DCC: variants seen among roughly 807,000 people sequenced by gnomAD.
DCC encodes netrin receptor DCC.
DCC carries 58 observed loss-of-function variants against 172.5 expected under a neutral mutation model. The observed-to-expected ratio is 0.34, with a 90% CI of 0.27 to 0.42. DCC has a LOEUF of 0.42. Ranked by LOEUF, DCC falls within the 10% of genes least tolerant of loss-of-function variation. DCC has a pLI of 1.00. For synonymous variants in DCC, 709 were observed against 644.5 expected (o/e 1.10, Z -1.52); for missense variants, 1,740 against 1,791.0 (o/e 0.97, Z 0.51).
chr18:52,660,975 A>G (rs1413206119), intron 1 of DCC, among the ~76,000 whole-genome samples: 1 of 152,136 alleles, frequency 6.6e-6, no homozygotes, highest in African/African-American at 2.4e-5. Flanking sequence ...ATATAAGTTT[A>G]CTTCTATACC....
At chr18:52,644,597 T>A (rs1324151572) in intron 1 of DCC, among the ~76,000 whole-genome samples, 5 of 98,626 alleles carry the variant, frequency 5.1e-5, no homozygotes, top group Admixed American at 1.0e-4. Context: ...AAAAAAAAAA[T>A]TAGTGTGTAG....
intron 5 of DCC, among the ~76,000 whole-genome samples, chr18:53,007,797 G>A (rs2041667802): frequency 6.6e-6 from 1 of 152,066 alleles, no homozygotes; most frequent in African/African-American, 2.4e-5. Flanking sequence ...AGTGCTCAGT[G>A]TTATAAAATA....
intron 22 of DCC, among the ~76,000 whole-genome samples, chr18:53,441,631 C>T (rs1338901132): frequency 3.3e-5 from 5 of 152,118 alleles, no homozygotes; most frequent in Non-Finnish European, 7.4e-5. Flanking sequence ...CGGTGTTGTG[C>T]TCATTTACTT....
rs1005976018 is a variant in DCC at position 53,111,366 on chromosome 18, T to A, written c.1261+45200T>A. Among the ~76,000 whole-genome samples, 86 of 149,600 alleles carry A rather than the reference T, an allele frequency of 5.7e-4. 1 individual carries two copies. The highest frequency in any genetic ancestry group is 5.3e-3 in the Admixed American group (80 of 14,962). On this transcript the variant is annotated intron_variant, in intron 7 of 28. Coordinates refer to ENST00000442544, the MANE Select transcript of DCC (RefSeq NM_005215.4). ...TATACATATGTAACTAACCTGCACA[T>A]TGTGCACATGTACCCTAAAACTTAA...
intron 5 of DCC, among the ~76,000 whole-genome samples, chr18:52,964,748 C>T (rs1371011648): frequency 6.6e-6 from 1 of 152,092 alleles, no homozygotes; most frequent in Admixed American, 6.6e-5. Context: ...TGGCTGAAAA[C>T]AATGTAAATA....
chr18:52,506,254 A>G (rs927272695), intron 1 of DCC, among the ~76,000 whole-genome samples: 68 of 152,292 alleles, frequency 4.5e-4, no homozygotes, highest in African/African-American at 1.6e-3. Context: ...ATTTGGAAAT[A>G]TCAGCTATAA....
At chr18:52,648,853 A>G (rs190775180) in intron 1 of DCC, among the ~76,000 whole-genome samples, 2 of 152,296 alleles carry the variant, frequency 1.3e-5, no homozygotes, top group East Asian at 1.9e-4. Context: ...GCCCTTTATC[A>G]TGCAATTTTG....
intron 7 of DCC, among the ~76,000 whole-genome samples, chr18:53,076,953 T>C (rs955800102): frequency 1.3e-5 from 2 of 152,148 alleles, no homozygotes; most frequent in Non-Finnish European, 2.9e-5. Flanking sequence ...CTCTGTAGCC[T>C]TATCATTTGT....
chr18:52,828,752 T>A (rs9807201), intron 2 of DCC, among the ~76,000 whole-genome samples: 37,965 of 152,060 alleles, frequency 0.25, 4,931 homozygotes, highest in South Asian at 0.3. Context: ...GGCAATGACA[T>A]CTTTTGGTTT....
intron 2 of DCC, among the ~76,000 whole-genome samples, chr18:52,890,202 T>A (rs1034042119): frequency 6.6e-6 from 1 of 152,130 alleles, no homozygotes; most frequent in African/African-American, 2.4e-5. Flanking sequence ...ATTTACTGAG[T>A]GTCTGCTGTG....
chr18:52,881,433 G>C (rs1481969999), intron 2 of DCC, among the ~76,000 whole-genome samples: 3 of 152,078 alleles, frequency 2.0e-5, no homozygotes, highest in Non-Finnish European at 4.4e-5. Context: ...CACAGACCAA[G>C]GTTCTAGAGA....
intron 12 of DCC, among the ~76,000 whole-genome samples, chr18:53,221,773 G>A (rs2055936125): frequency 6.6e-6 from 1 of 152,138 alleles, no homozygotes; most frequent in Non-Finnish European, 1.5e-5. Flanking sequence ...ATAGAGAAAT[G>A]AAAAACTTAA....
At chr18:53,489,504 A>AAAAC (rs1424071831) in intron 26 of DCC, among the ~76,000 whole-genome samples, 1 of 152,212 alleles carries the variant, frequency 6.6e-6, no homozygotes, top group East Asian at 1.9e-4. Flanking sequence ...TCTCAAGCAG[A>AAAAC]AAACATTTCA....
intron 7 of DCC, among the ~76,000 whole-genome samples, chr18:53,114,124 T>A (rs976209812): frequency 6.6e-6 from 1 of 151,512 alleles, no homozygotes; most frequent in African/African-American, 2.4e-5. Flanking sequence ...CAATCGTAAC[T>A]TGTGCATAAT....
chr18:52,544,317 T>C (rs1317018903), intron 1 of DCC, among the ~76,000 whole-genome samples: 1 of 152,204 alleles, frequency 6.6e-6, no homozygotes, highest in Non-Finnish European at 1.5e-5. Flanking sequence ...GAGTACCTGG[T>C]GATAACTAAA....
intron 1 of DCC, among the ~76,000 whole-genome samples, chr18:52,477,923 C>T (rs1989140035): frequency 6.6e-6 from 1 of 152,078 alleles, no homozygotes; most frequent in Admixed American, 6.6e-5. Flanking sequence ...GATCCTCCTG[C>T]CTCAGCCTCC....
chr18:52,992,235 T>C (rs2041405527), intron 5 of DCC, among the ~76,000 whole-genome samples: 1 of 152,152 alleles, frequency 6.6e-6, no homozygotes, highest in African/African-American at 2.4e-5. Context: ...CCCTAGTCAG[T>C]ATAGGGCTGA....
chr18:53,131,122 C>G (rs192422049), intron 7 of DCC, among the ~76,000 whole-genome samples: 1 of 152,160 alleles, frequency 6.6e-6, no homozygotes. Context: ...CACCCAGACT[C>G]TCTTCATCAT....
intron 2 of DCC, among the ~76,000 whole-genome samples, chr18:52,814,456 C>T (rs1015338687): frequency 7.2e-5 from 11 of 152,262 alleles, no homozygotes; most frequent in South Asian, 2.1e-4. Flanking sequence ...TTTCAGGCAA[C>T]GCAAAGAGAG....
Sources: allele counts gnomAD v4.1 joint callset (sites outside exome capture counted in the v4.1 genomes callset), GRCh38; gene constraint gnomAD v4.1.1; transcripts MANE v1.5; gene names NCBI Gene and HGNC (gene_info 2026-07-23, HGNC 2026-07-21).